TXNDC11: variants seen among roughly 807,000 people sequenced by gnomAD.
The protein encoded by TXNDC11 is thioredoxin domain-containing protein 11.
TXNDC11 carries 68 observed loss-of-function variants against 78.0 expected under a neutral mutation model. The ratio of observed to expected loss-of-function variants is 0.87; its 90% CI spans 0.72 to 1.07. TXNDC11 has a LOEUF of 1.07. TXNDC11 is among the 50% of genes least tolerant of loss of function. The probability of loss-of-function intolerance (pLI) is 0.00; values close to 1 mark genes in which losing one functional copy is unlikely to be tolerated. For missense variants in TXNDC11, 1,389 were observed against 1,221.8 expected, an observed-to-expected ratio of 1.14 and a Z score of -2.04; for synonymous variants, 571 against 495.2, an observed-to-expected ratio of 1.15 and a Z score of -2.03.
intron 5 of TXNDC11, among the ~76,000 whole-genome samples, chr16:11,708,281 T>G (rs933858078): frequency 6.6e-6 from 1 of 152,194 alleles, no homozygotes; most frequent in Non-Finnish European, 1.5e-5. Flanking sequence ...CATGAGACAA[T>G]GTTTCTTGAA....
intron 8 of TXNDC11, chr16:11,690,197 G>T (rs2050671427): frequency 6.6e-6 from 1 of 152,200 alleles, no homozygotes; most frequent in Admixed American, 6.5e-5. Context: ...CAATGAGGCT[G>T]AACTAACGTG....
chr16:11,682,208 G>C (rs2050441013), intron 11 of TXNDC11, among the ~76,000 whole-genome samples: 1 of 152,110 alleles, frequency 6.6e-6, no homozygotes, highest in African/African-American at 2.4e-5. Flanking sequence ...TTACCTTCTG[G>C]CTAAACCAAA....
intron 5 of TXNDC11, among the ~76,000 whole-genome samples, chr16:11,703,241 G>A (rs2051083704): frequency 6.6e-6 from 1 of 152,206 alleles, no homozygotes; most frequent in African/African-American, 2.4e-5. Context: ...ACAGTATCTT[G>A]ACTGGATGCT....
Position 11,687,937 on chromosome 16 carries a change from C to T in TXNDC11, c.2073G>A (p.Trp691Ter), listed in dbSNP as rs1320712877. The T allele has an allele frequency of 1.2e-6, 2 of 1,613,792 alleles. No individual in the cohort carries two copies. The highest frequency in any genetic ancestry group is 1.3e-5 in the African/African-American group (1 of 74,904). Residue 691 changes from tryptophan to a stop codon, truncating the protein, a stop_gained, in exon 10 of 12, where the codon TGG becomes TGA. Coordinates refer to ENST00000283033, the MANE Select transcript of TXNDC11 (RefSeq NM_015914.7). LOFTEE classifies it high-confidence loss of function. ...QDVLLLYYAP[W>*]CGFCPSLNHI... ...GATTGAGGGATGGACAGAAGCCGCA[C>T]CACGGAGCGTAATAGAGCAGGAGAA... is the stretch of plus-strand genomic sequence containing the variant.
At chr16:11,720,738 T>C (rs1377644448) in intron 5 of TXNDC11, among the ~76,000 whole-genome samples, 2 of 150,282 alleles carry the variant, frequency 1.3e-5, no homozygotes, top group East Asian at 2.0e-4. Context: ...TATATATATA[T>C]GGTTTTTTTT....
chr16:11,688,474 T>C, intron 8 of TXNDC11, 29 bp from the exon 9 acceptor site: 2 of 1,569,956 alleles, frequency 1.3e-6, no homozygotes, highest in Non-Finnish European at 8.7e-7. Flanking sequence ...TGAGATCAAC[T>C]CTCCTCTAGA....
At chr16:11,684,048 G>C (rs1040041283) in intron 11 of TXNDC11, 117 bp downstream of exon 11, 1 of 709,684 alleles carries the variant, frequency 1.4e-6, no homozygotes, top group Admixed American at 2.3e-5. Flanking sequence ...ACCACGCCTG[G>C]TTCCTAAGGG....
At chr16:11,686,439 C>T (rs573549959) in intron 10 of TXNDC11, among the ~76,000 whole-genome samples, 1 of 152,336 alleles carries the variant, frequency 6.6e-6, no homozygotes, top group South Asian at 2.1e-4. Context: ...CATGCTTCTT[C>T]GGAATTCCTA....
intron 11 of TXNDC11, among the ~76,000 whole-genome samples, chr16:11,680,922 T>C (rs35326595): frequency 0.015 from 2,314 of 152,260 alleles, 26 homozygotes; most frequent in Non-Finnish European, 0.018. Context: ...ATCCCAGTGC[T>C]TTGGGAGGCT....
At chr16:11,704,404 C>A (rs1215251681) in intron 5 of TXNDC11, among the ~76,000 whole-genome samples, 2 of 152,138 alleles carry the variant, frequency 1.3e-5, no homozygotes, top group Non-Finnish European at 2.9e-5. Flanking sequence ...AATTCATGAG[C>A]AGAAGTTTGA....
Position 11,691,528 on chromosome 16 carries a change from C to A in TXNDC11, c.1662G>T (p.Glu554Asp). 1.9e-6 allele frequency: 3 copies of A among 1,614,142 alleles called. No homozygotes were observed. The highest frequency in any genetic ancestry group is 2.5e-6 in the Non-Finnish European group (3 of 1,179,954). Reference sequence around the variant, plus strand: ...CCACTTCTGGAAAGAGATACCTGTTCTCCTCAATGTGAGGAACGGAGCTTG... The same window carrying A: ...CCACTTCTGGAAAGAGATACCTGTTATCCTCAATGTGAGGAACGGAGCTTG... The part of the protein sequence containing the change: ...DAPSSVPHIE[E>D]NRYLFPEVDM... The change falls in exon 8 of 12, where the codon GAG becomes GAT. Residue 554 changes from glutamate to aspartate, a missense_variant. By Grantham distance (45) the Glu-to-Asp change is conservative. Transcript: ENST00000283033.
At chr16:11,707,453 A>AT (rs1233686090) in intron 5 of TXNDC11, among the ~76,000 whole-genome samples, 1 of 115,192 alleles carries the variant, frequency 8.7e-6, no homozygotes, top group African/African-American at 3.2e-5. Context: ...TATTTTTCCC[A>AT]ATTTTTTTTT....
rs2141945672 is a variant in TXNDC11, at chr16:11,679,117, T to A, written c.*78A>T. On this transcript the variant is annotated 3_prime_UTR_variant, in exon 12 of 12. Coordinates refer to ENST00000283033, the MANE Select transcript of TXNDC11 (RefSeq NM_015914.7). This position sits in a 1 kb window ranked among gnomAD's most constrained non-coding sequence, Gnocchi z 4.6. ...CCACTGAGAAAATCTTTATTTACAA[T>A]AAATTTCAATAAAATTTGCATAAAT... 1 of 1,440,072 alleles carries A rather than the reference T, an allele frequency of 6.9e-7. No homozygotes were observed. The highest frequency in any genetic ancestry group is 1.3e-5 in the South Asian group (1 of 78,162). The allele number at this position is 1,440,072 out of a possible 1,614,324, so 89.2% of individuals were successfully genotyped here. A position where few individuals can be genotyped will look rare whatever the true frequency, so the allele number is the denominator to read the frequency against.
At chr16:11,714,861 G>C (rs1449345710) in intron 5 of TXNDC11, among the ~76,000 whole-genome samples, 4 of 152,168 alleles carry the variant, frequency 2.6e-5, no homozygotes, top group Admixed American at 6.5e-5. Context: ...GAGTTCCTTA[G>C]AAAACTAATG....
At chr16:11,693,853 T>C (rs1456902131) in intron 7 of TXNDC11, among the ~76,000 whole-genome samples, 2 of 152,132 alleles carry the variant, frequency 1.3e-5, no homozygotes, top group African/African-American at 4.8e-5. Context: ...CCTGGTACTG[T>C]TTTAGATTCA....
Position 11,691,647 on chromosome 16 carries a change from C to A in TXNDC11, c.1543G>T (p.Gly515Cys). ...YTACCRTISR[G>C]VSGFIDSEQG... ...TCAGAGTCGATGAAGCCTGACACACCCCTGCTTATGGTCCTGCAACATGCA... is the reference window on the plus strand; with the variant it reads ...TCAGAGTCGATGAAGCCTGACACACACCTGCTTATGGTCCTGCAACATGCA... The change falls in exon 8 of 12, where the codon GGT becomes TGT. Residue 515 changes from glycine to cysteine, a missense_variant. Coordinates refer to ENST00000283033, the MANE Select transcript of TXNDC11 (RefSeq NM_015914.7). The A allele has an allele frequency of 6.2e-7, 1 of 1,614,154 alleles. No homozygotes were observed. Among genetic ancestry groups the A allele is most frequent in the Non-Finnish European group, 8.5e-7 (1 of 1,180,030 alleles).
intron 5 of TXNDC11, among the ~76,000 whole-genome samples, chr16:11,707,116 T>G (rs564312863): frequency 3.9e-5 from 6 of 152,232 alleles, no homozygotes; most frequent in Non-Finnish European, 7.4e-5. Flanking sequence ...GACTTAAATT[T>G]AATTTTAAAT....
intron 7 of TXNDC11, among the ~76,000 whole-genome samples, chr16:11,694,451 C>T (rs1239449003): frequency 6.6e-6 from 1 of 151,756 alleles, no homozygotes; most frequent in South Asian, 2.1e-4. Flanking sequence ...GCCCGACCAG[C>T]AATGCTTTTT....
chr16:11,712,783 T>G (rs1164476574), intron 5 of TXNDC11, among the ~76,000 whole-genome samples: 1 of 151,628 alleles, frequency 6.6e-6, no homozygotes. Context: ...TGAAACTACA[T>G]CTCTACAAAA....
Sources: allele counts gnomAD v4.1 joint callset (sites outside exome capture counted in the v4.1 genomes callset), GRCh38; gene constraint gnomAD v4.1.1; non-coding constraint Gnocchi (gnomAD v3.1); transcripts MANE v1.5; gene names NCBI Gene and HGNC (gene_info 2026-07-23, HGNC 2026-07-21).